Variants in NAALADL2 observed in about 807,000 individuals in gnomAD.
NAALADL2 encodes N-acetylated alpha-linked acidic dipeptidase like 2.
In NAALADL2, 76 loss-of-function variants were observed where a neutral mutation model predicts 87.2. The ratio of observed to expected loss-of-function variants is 0.87; its 90% CI spans 0.72 to 1.05. The LOEUF is 1.05. Among genes scored for constraint, NAALADL2 ranks in the 50% least tolerant of loss-of-function variants. The pLI, the probability that NAALADL2 is intolerant of heterozygous loss-of-function variation, is 0.00. For missense variants in NAALADL2, 1,089 were observed against 945.8 expected, an observed-to-expected ratio of 1.15 and a Z score of -1.99; for synonymous variants, 354 against 331.0, an observed-to-expected ratio of 1.07 and a Z score of -0.75.
At chr3:174,984,438 C>T (rs1027694599) in intron 1 of NAALADL2, among the ~76,000 whole-genome samples, 6 of 151,604 alleles carry the variant, frequency 4.0e-5, no homozygotes, top group East Asian at 3.9e-4. Flanking sequence ...TTCAACACTA[C>T]GCAGTAGAGT....
intron 4 of NAALADL2, among the ~76,000 whole-genome samples, chr3:175,281,428 C>CA (rs1391040982): frequency 1.3e-5 from 2 of 151,892 alleles, no homozygotes. Context: ...TAGGCTAAAA[C>CA]ACCTTTGCAA....
chr3:174,594,530 T>C (rs1318562804), intron 2 of NAALADL2, among the ~76,000 whole-genome samples: 1 of 152,176 alleles, frequency 6.6e-6, no homozygotes, highest in African/African-American at 2.4e-5. Flanking sequence ...GACTACAACA[T>C]ATAGTACTAT....
At chr3:174,836,873 A>G (rs1291611289) in intron 3 of NAALADL2, among the ~76,000 whole-genome samples, 3 of 152,190 alleles carry the variant, frequency 2.0e-5, no homozygotes, top group Non-Finnish European at 4.4e-5. Context: ...AGTTTAAAGT[A>G]TAAAACATCT....
intron 9 of NAALADL2, among the ~76,000 whole-genome samples, chr3:175,570,255 T>G (rs1418778022): frequency 1.3e-5 from 2 of 152,174 alleles, no homozygotes; most frequent in Admixed American, 6.5e-5. Context: ...TCCATTCAGG[T>G]CTTCAGCTGA....
intron 2 of NAALADL2, among the ~76,000 whole-genome samples, chr3:174,646,087 T>C (rs1401094074): frequency 1.3e-5 from 2 of 152,160 alleles, no homozygotes; most frequent in Non-Finnish European, 2.9e-5. Flanking sequence ...TCAACAGTCT[T>C]TCTGTTAGAT....
chr3:174,877,551 G>A (rs1047672799), intron 1 of NAALADL2, among the ~76,000 whole-genome samples: 3 of 151,970 alleles, frequency 2.0e-5, no homozygotes, highest in Admixed American at 2.0e-4. Context: ...CTTAGCTCCA[G>A]GAATTTCATT....
chr3:174,858,137 T>C (rs1291331977), upstream of NAALADL2, among the ~76,000 whole-genome samples: 7 of 148,132 alleles, frequency 4.7e-5, no homozygotes, highest in Non-Finnish European at 1.0e-4. Flanking sequence ...ATTATATATT[T>C]GAATATAATA....
intron 3 of NAALADL2, among the ~76,000 whole-genome samples, chr3:175,246,535 A>C (rs1748009921): frequency 6.6e-6 from 1 of 152,132 alleles, no homozygotes; most frequent in South Asian, 2.1e-4. Flanking sequence ...TTGCTTCCTC[A>C]AGGTGGAGAA....
At chr3:175,596,849 C>G (rs1231923388) in intron 10 of NAALADL2, among the ~76,000 whole-genome samples, 3 of 151,866 alleles carry the variant, frequency 2.0e-5, no homozygotes, top group Admixed American at 2.0e-4. Context: ...TTTTCCATAT[C>G]TGCAGTCAAA....
chr3:174,476,899 A>C (rs1464267707), intron 1 of NAALADL2, among the ~76,000 whole-genome samples: 1 of 152,076 alleles, frequency 6.6e-6, no homozygotes, highest in Non-Finnish European at 1.5e-5. Context: ...GGACTTATGG[A>C]GAAAACTCTA....
chr3:174,929,070 G>C (rs1425122366), intron 1 of NAALADL2, among the ~76,000 whole-genome samples: 1 of 152,128 alleles, frequency 6.6e-6, no homozygotes, highest in Non-Finnish European at 1.5e-5. Flanking sequence ...GATGACATTT[G>C]AGCTGAAATT....
intron 1 of NAALADL2, among the ~76,000 whole-genome samples, chr3:174,947,730 A>G (rs1404721715): frequency 1.3e-5 from 2 of 151,342 alleles, no homozygotes; most frequent in African/African-American, 4.8e-5. Flanking sequence ...ATATATACAG[A>G]CACACACACA....
chr3:175,694,592 C>A (rs1441656382), intron 11 of NAALADL2, among the ~76,000 whole-genome samples: 1 of 152,080 alleles, frequency 6.6e-6, no homozygotes, highest in Non-Finnish European at 1.5e-5. Flanking sequence ...ATGCTATATA[C>A]TTTGACTAAG....
chr3:175,621,273 G>A (rs550008490), intron 10 of NAALADL2, among the ~76,000 whole-genome samples: 78 of 152,238 alleles, frequency 5.1e-4, no homozygotes, highest in African/African-American at 1.8e-3. Flanking sequence ...CCTAAGAGAG[G>A]GAGAGAAAGT....
intron 1 of NAALADL2, among the ~76,000 whole-genome samples, chr3:174,447,317 G>C (rs1451889253): frequency 6.6e-6 from 1 of 152,088 alleles, no homozygotes; most frequent in Non-Finnish European, 1.5e-5. Context: ...ACACTTAGGA[G>C]CTGGAAAACA....
chr3:175,306,045 C>T (rs941167012), intron 4 of NAALADL2, among the ~76,000 whole-genome samples: 1 of 151,862 alleles, frequency 6.6e-6, no homozygotes, highest in Non-Finnish European at 1.5e-5. Flanking sequence ...GATTTCAATA[C>T]AATAATTTAT....
intron 1 of NAALADL2, among the ~76,000 whole-genome samples, chr3:174,447,948 A>G (rs1185096458): frequency 1.3e-5 from 2 of 152,204 alleles, no homozygotes; most frequent in Non-Finnish European, 1.5e-5. Context: ...AGTTTGTTAA[A>G]CTTAACATTC....
At chr3:175,407,434 G>A (rs1211800575) in intron 5 of NAALADL2, among the ~76,000 whole-genome samples, 1 of 152,030 alleles carries the variant, frequency 6.6e-6, no homozygotes, top group South Asian at 2.1e-4. Flanking sequence ...CTGATCTCAA[G>A]GAAAGCAAAG....
At chr3:174,792,606 C>T (rs907411189) in intron 3 of NAALADL2, among the ~76,000 whole-genome samples, 2 of 152,162 alleles carry the variant, frequency 1.3e-5, no homozygotes, top group Non-Finnish European at 2.9e-5. Flanking sequence ...TATGGCAATT[C>T]TCTTGCCATG....
Sources: gnomAD v4.1 joint callset for allele counts (sites outside exome capture counted in the v4.1 genomes callset) on GRCh38, gnomAD v4.1.1 for gene constraint, MANE v1.5 for transcripts, NCBI Gene and HGNC (gene_info 2026-07-23, HGNC 2026-07-21) for gene names.